SYNE1: variants seen among roughly 807,000 people sequenced by gnomAD.
The protein encoded by SYNE1 is spectrin repeat containing nuclear envelope protein 1.
Under a neutral mutation model 1,111.0 loss-of-function variants are expected in SYNE1, and 616 were observed. The observed-to-expected ratio is 0.55, with a 90% CI of 0.52 to 0.59. The LOEUF (loss-of-function observed/expected upper bound fraction) is 0.59. Among genes scored for constraint, SYNE1 ranks in the 20% least tolerant of loss-of-function variants. SYNE1 has a pLI of 0.00. For missense variants in SYNE1, 10,006 were observed against 10,417.0 expected (o/e 0.96, Z 1.72); for synonymous variants, 3,855 against 3,825.8 (o/e 1.01, Z -0.28).
intron 138 of SYNE1, 94 bp from the exon 139 acceptor site, chr6:152,141,423 A>G (rs761517656): frequency 1.3e-6 from 2 of 1,565,278 alleles, no homozygotes; most frequent in Non-Finnish European, 1.7e-6. Context: ...TCAGCAAGAG[A>G]AGTGTCTGTG....
At chr6:152,318,790 T>C (rs1262154062) in intron 85 of SYNE1, 73 bp downstream of exon 85, 1 of 1,577,546 alleles carries the variant, frequency 6.3e-7, no homozygotes, top group African/African-American at 1.3e-5. Context: ...TTTTATCCTA[T>C]ATCCCCAAGT....
At position 152,350,299 on chromosome 6, in the gene SYNE1, G is replaced by T; in HGVS notation, c.11770C>A (p.His3924Asn). The change falls in exon 72 of 146, where the codon CAT becomes AAT. Residue 3924 changes from histidine to asparagine, a missense_variant. By Grantham distance (68) the His-to-Asn change is moderately conservative (BLOSUM62 1). Transcript: ENST00000367255. The stretch of plus-strand genomic sequence containing the variant: ...TGGAGCTCACTGTTGTAGTCTTCAT[G>T]GTCTTTGACTTTCGCCTCCAGACTG... ...VFSLEAKVKD[H>N]EDYNSELQEV... 3.1e-6 allele frequency: 5 copies of T among 1,614,104 alleles called. No individual in the cohort carries two copies. Among genetic ancestry groups the T allele is most frequent in the Non-Finnish European group, 4.2e-6 (5 of 1,180,022 alleles).
At chr6:152,450,443 T>G (rs555574914) in intron 27 of SYNE1, among the ~76,000 whole-genome samples, 182 bp downstream of exon 27, 32 of 152,354 alleles carry the variant, frequency 2.1e-4, no homozygotes, top group Admixed American at 1.8e-3. Flanking sequence ...TCTGGGTCAC[T>G]TGGAAACAAA....
intron 55 of SYNE1, 58 bp downstream of exon 55, chr6:152,385,616 C>A (rs928494234): frequency 1.9e-6 from 3 of 1,590,528 alleles, no homozygotes; most frequent in East Asian, 4.5e-5. Flanking sequence ...AAATCTTTAT[C>A]AAAAGTACTC....
rs1005243225 is a variant in SYNE1, at chr6:152,636,720, G to C, written c.-306C>G. 1 of 152,270 alleles carries C rather than the reference G, an allele frequency of 6.6e-6. No homozygotes were observed. The highest frequency in any genetic ancestry group is 1.5e-5 in the Non-Finnish European group (1 of 68,094). The allele number at this position is 152,270 out of a possible 1,614,324, so 9.4% of individuals were successfully genotyped here. ...CTCCCGGCTCTCTGCGCCCAGGCTC[G>C]GCGGGACCCCGGGGATGCGCGGCTG... On this transcript the variant is annotated 5_prime_UTR_variant, in exon 2 of 146. Coordinates refer to ENST00000367255, the MANE Select transcript of SYNE1 (RefSeq NM_182961.4).
At chr6:152,274,146 C>T (rs1035145780) in intron 98 of SYNE1, among the ~76,000 whole-genome samples, 3 of 152,198 alleles carry the variant, frequency 2.0e-5, no homozygotes, top group Non-Finnish European at 2.9e-5. Context: ...TCTACTTTTA[C>T]AGCTAGAAAA....
intron 14 of SYNE1, among the ~76,000 whole-genome samples, chr6:152,474,960 G>C (rs1038778914): frequency 2.6e-5 from 4 of 152,030 alleles, no homozygotes; most frequent in African/African-American, 9.7e-5. Context: ...AGAAAGCAAA[G>C]ACTCAGATGC....
rs765849365 is a variant in SYNE1 at position 152,141,200 on chromosome 6, C to T, written c.25246+3G>A. On this transcript the variant is annotated splice_donor_region_variant and intron_variant, in intron 139 of 145. Coordinates refer to ENST00000367255, the MANE Select transcript of SYNE1 (RefSeq NM_182961.4). ...ACTCTTGAACTGGATGCTACGCACTCACCAGCCGTTTGGGTTTCGGTACTA... is the reference window on the plus strand; with the variant it reads ...ACTCTTGAACTGGATGCTACGCACTTACCAGCCGTTTGGGTTTCGGTACTA... 1.6e-5 allele frequency: 26 copies of T among 1,614,044 alleles called. No individual in the cohort carries two copies. Among genetic ancestry groups the T allele is most frequent in the Admixed American group, 1.5e-4 (9 of 60,010 alleles).
intron 3 of SYNE1, among the ~76,000 whole-genome samples, chr6:152,600,028 T>C (rs1193608201): frequency 1.3e-5 from 2 of 152,234 alleles, no homozygotes; most frequent in Non-Finnish European, 2.9e-5. Context: ...TTCTATAAAA[T>C]GTCTCCCCTT....
chr6:152,586,470 T>C (rs2099539348), intron 3 of SYNE1, among the ~76,000 whole-genome samples: 1 of 152,172 alleles, frequency 6.6e-6, no homozygotes, highest in South Asian at 2.1e-4. Context: ...TTCAGTTAAT[T>C]CCTTTATGTC....
In SYNE1 at chr6:152,629,739, G is replaced by A. The variant is rs956855572; in HGVS notation, c.-223-1185C>T. ...GCACCAAGAGAAAGAAACGGCCTCC[G>A]AAGAGGCCCACAGGGAGGTGATACT... On this transcript the variant is annotated intron_variant, in intron 2 of 145. Transcript: ENST00000367255. Among the ~76,000 whole-genome samples the A allele has an allele frequency of 5.3e-5, 8 of 152,066 alleles. No homozygotes were observed. The East Asian group carries it at 5.8e-4, about 11-fold the overall frequency.
chr6:152,129,084 T>A (rs2054540344), intron 145 of SYNE1: 1 of 152,244 alleles, frequency 6.6e-6, no homozygotes, highest in Admixed American at 6.5e-5. Flanking sequence ...GCGAGTGTCG[T>A]AGTGAGAATG....
At chr6:152,134,900 A>C in intron 142 of SYNE1, 2 of 598,012 alleles carry the variant, frequency 3.3e-6, no homozygotes, top group Non-Finnish European at 5.7e-6. Flanking sequence ...ATCAGATTCT[A>C]AAGCTAGCAG....
chr6:152,496,407 T>C (rs887794790), intron 11 of SYNE1, among the ~76,000 whole-genome samples: 8 of 152,212 alleles, frequency 5.3e-5, no homozygotes. Flanking sequence ...TTGGGCACTC[T>C]CTAACTGGAT....
intron 131 of SYNE1, among the ~76,000 whole-genome samples, chr6:152,159,072 C>A (rs1312598913): frequency 6.6e-6 from 1 of 152,226 alleles, no homozygotes; most frequent in East Asian, 1.9e-4. Flanking sequence ...CTGCCTCAGC[C>A]TCCTGAGTAG....
At chr6:152,520,677 A>C in intron 5 of SYNE1, 135 bp from the exon 6 acceptor site, 1 of 960,904 alleles carries the variant, frequency 1.0e-6, no homozygotes, top group Non-Finnish European at 1.6e-6. Context: ...ACTTTCTATA[A>C]AGGTTAGCAA....
intron 131 of SYNE1, among the ~76,000 whole-genome samples, chr6:152,161,546 AGTTT>A (rs765026490): frequency 1.5e-4 from 23 of 151,540 alleles, no homozygotes; most frequent in East Asian, 5.9e-4. Context: ...CATTTCTGTG[AGTTT>A]GTTTGTTTTG....
intron 55 of SYNE1, among the ~76,000 whole-genome samples, chr6:152,383,966 T>C (rs931566617): frequency 3.9e-5 from 6 of 152,228 alleles, no homozygotes; most frequent in African/African-American, 1.4e-4. Flanking sequence ...TTGACCATCA[T>C]CCTTGACTCT....
At chr6:152,389,841 A>G (rs763145109) in intron 53 of SYNE1, among the ~76,000 whole-genome samples, 6 of 152,284 alleles carry the variant, frequency 3.9e-5, no homozygotes, top group Non-Finnish European at 7.4e-5. Flanking sequence ...CATCCTACAC[A>G]TTTCCTATAA....
Sources: allele counts gnomAD v4.1 joint callset (sites outside exome capture counted in the v4.1 genomes callset), GRCh38; gene constraint gnomAD v4.1.1; transcripts MANE v1.5; gene names NCBI Gene and HGNC (gene_info 2026-07-23, HGNC 2026-07-21).